RBFOX1: variants seen among roughly 807,000 people sequenced by gnomAD.
RBFOX1 encodes RNA binding protein fox-1 homolog 1.
RBFOX1 carries 8 observed loss-of-function variants against 57.7 expected under a neutral mutation model. The observed-to-expected ratio is 0.14, with a 90% CI of 0.08 to 0.25. The LOEUF (loss-of-function observed/expected upper bound fraction) is 0.25. Among genes scored for constraint, RBFOX1 ranks in the 10% least tolerant of loss-of-function variants. RBFOX1 has a pLI of 1.00. For missense variants in RBFOX1, 611 were observed against 548.5 expected (o/e 1.11, Z -1.14); for synonymous variants, 326 against 222.4 (o/e 1.47, Z -4.15).
At chr16:5,932,157 C>G (rs749596498) in intron 4 of RBFOX1, among the ~76,000 whole-genome samples, 3 of 152,156 alleles carry the variant, frequency 2.0e-5, no homozygotes, top group Non-Finnish European at 4.4e-5. Context: ...CTGGGATTGA[C>G]TTAATCACAC....
At chr16:6,227,274 C>T (rs568466900) in intron 1 of RBFOX1, among the ~76,000 whole-genome samples, 1 of 152,140 alleles carries the variant, frequency 6.6e-6, no homozygotes, top group African/African-American at 2.4e-5. Flanking sequence ...GCGTTTGATT[C>T]AGTGATTCTA....
intron 4 of RBFOX1, among the ~76,000 whole-genome samples, chr16:7,221,346 TA>T (rs879477978): frequency 0.097 from 14,368 of 148,496 alleles, 2,056 homozygotes; most frequent in African/African-American, 0.32. Flanking sequence ...TTTATTTGAT[TA>T]TTTATTTATT....
chr16:6,775,709 T>C (rs1278968714), intron 3 of RBFOX1: 1 of 152,198 alleles, frequency 6.6e-6, no homozygotes, highest in Admixed American at 6.5e-5. Context: ...GTGCCTAATG[T>C]CATCATTTTG....
chr16:6,483,088 C>T (rs1294843801), intron 2 of RBFOX1: 1 of 989,644 alleles, frequency 1.0e-6, no homozygotes, highest in Non-Finnish European at 1.2e-6. Flanking sequence ...GCCTCCGACC[C>T]GTAGGGGCGG....
At chr16:5,703,392 G>C (rs2051121596) in intron 3 of RBFOX1, among the ~76,000 whole-genome samples, 1 of 152,186 alleles carries the variant, frequency 6.6e-6, no homozygotes, top group Non-Finnish European at 1.5e-5. Flanking sequence ...AATTGGGATG[G>C]AGTTTGGTTC....
chr16:5,420,249 T>G (rs948695624), intron 1 of RBFOX1, among the ~76,000 whole-genome samples: 1 of 152,192 alleles, frequency 6.6e-6, no homozygotes, highest in Non-Finnish European at 1.5e-5. Context: ...CTGCCTCTGT[T>G]TAATGTAGTT....
At chr16:7,298,490 C>T (rs1485876967) in intron 4 of RBFOX1, among the ~76,000 whole-genome samples, 3 of 151,938 alleles carry the variant, frequency 2.0e-5, no homozygotes, top group Admixed American at 6.6e-5. Context: ...GAGGGTTTCA[C>T]CATCTTGGCC....
intron 2 of RBFOX1, among the ~76,000 whole-genome samples, chr16:5,515,367 G>A (rs983145518): frequency 1.3e-5 from 2 of 152,220 alleles, no homozygotes; most frequent in African/African-American, 4.8e-5. Context: ...GCAGGTGCCT[G>A]GATCAAGTAC....
intron 4 of RBFOX1, among the ~76,000 whole-genome samples, chr16:7,068,254 T>A (rs961403218): frequency 9.2e-5 from 14 of 152,312 alleles, no homozygotes; most frequent in Non-Finnish European, 8.8e-5. Context: ...TCCAAAATCA[T>A]GCCACACTAG....
intron 1 of RBFOX1, among the ~76,000 whole-genome samples, chr16:6,027,219 C>A (rs143925392): frequency 4.6e-5 from 7 of 152,260 alleles, no homozygotes; most frequent in Non-Finnish European, 8.8e-5. Flanking sequence ...CTAGGGCTTC[C>A]TGTGTGTCAT....
chr16:5,895,323 T>C (rs1428484095), intron 4 of RBFOX1, among the ~76,000 whole-genome samples: 2 of 152,168 alleles, frequency 1.3e-5, no homozygotes, highest in Non-Finnish European at 2.9e-5. Context: ...TCCCAGGAAA[T>C]GGATGACTCA....
At chr16:6,044,985 AG>A (rs1379225749) in intron 1 of RBFOX1, among the ~76,000 whole-genome samples, 1 of 152,250 alleles carries the variant, frequency 6.6e-6, no homozygotes, top group Non-Finnish European at 1.5e-5. Context: ...ATTAGAATAC[AG>A]GAAGAAGTTT....
chr16:5,363,526 T>G (rs1318085360), intron 1 of RBFOX1, among the ~76,000 whole-genome samples: 1 of 152,206 alleles, frequency 6.6e-6, no homozygotes, highest in Non-Finnish European at 1.5e-5. Flanking sequence ...CCAGGCAGGC[T>G]CTTCTCTCTG....
intron 4 of RBFOX1, among the ~76,000 whole-genome samples, chr16:7,329,960 C>T (rs1390591409): frequency 6.6e-6 from 1 of 152,104 alleles, no homozygotes; most frequent in Non-Finnish European, 1.5e-5. Flanking sequence ...ACATTTGGCA[C>T]TGGGTATGTT....
intron 4 of RBFOX1, among the ~76,000 whole-genome samples, chr16:7,227,204 T>G (rs2093180326): frequency 6.6e-6 from 1 of 152,004 alleles, no homozygotes; most frequent in South Asian, 2.1e-4. Context: ...ATTCCATTCT[T>G]CTTTAACTGT....
intron 4 of RBFOX1, among the ~76,000 whole-genome samples, chr16:7,504,508 C>G (rs926380966): frequency 6.6e-6 from 1 of 150,432 alleles, no homozygotes; most frequent in Non-Finnish European, 1.5e-5. Flanking sequence ...CACCATAACT[C>G]TCACAAATAT....
At chr16:7,000,598 T>TTTC (rs1555741973) in intron 3 of RBFOX1, among the ~76,000 whole-genome samples, 31 of 68,298 alleles carry the variant, frequency 4.5e-4, no homozygotes, top group Non-Finnish European at 8.2e-4. Context: ...TTTTCTTTCT[T>TTTC]TTTTTTTTTT....
intron 2 of RBFOX1, among the ~76,000 whole-genome samples, chr16:6,503,537 A>G (rs2096001376): frequency 6.6e-6 from 1 of 152,184 alleles, no homozygotes; most frequent in African/African-American, 2.4e-5. Context: ...ATTGCCTAGA[A>G]TGTCTTGACA....
chr16:6,517,956 T>C (rs2096413313), intron 2 of RBFOX1, among the ~76,000 whole-genome samples: 1 of 152,314 alleles, frequency 6.6e-6, no homozygotes. Flanking sequence ...ATTGTGATGA[T>C]GGCTATTTTG....
Sources: allele counts gnomAD v4.1 joint callset (sites outside exome capture counted in the v4.1 genomes callset), GRCh38; gene constraint gnomAD v4.1.1; transcripts MANE v1.5; gene names NCBI Gene and HGNC (gene_info 2026-07-23, HGNC 2026-07-21).